DRD3: variants seen among roughly 807,000 people sequenced by gnomAD.
DRD3 encodes dopamine receptor D3, also known as D(3) dopamine receptor.
A neutral mutation model predicts 36.3 loss-of-function variants in DRD3; 19 were observed. The ratio of observed to expected loss-of-function variants is 0.52; its 90% CI spans 0.36 to 0.77. The LOEUF is 0.77. Among genes scored for constraint, DRD3 ranks in the 30% least tolerant of loss-of-function variants. The pLI, the probability that DRD3 is intolerant of heterozygous loss-of-function variation, is 0.00. For synonymous variants in DRD3, 195 were observed against 203.7 expected (o/e 0.96, Z 0.36); for missense variants, 465 against 505.3 (o/e 0.92, Z 0.77).
At chr3:114,170,853 A>T (rs1478547225) in intron 2 of DRD3, among the ~76,000 whole-genome samples, 1 of 152,226 alleles carries the variant, frequency 6.6e-6, no homozygotes, top group East Asian at 1.9e-4. Context: ...CACAGTGCAG[A>T]GGAGAAATAT....
At chr3:114,146,560 G>C (rs200071806) in intron 4 of DRD3, among the ~76,000 whole-genome samples, 2 of 151,790 alleles carry the variant, frequency 1.3e-5, no homozygotes, top group South Asian at 4.2e-4. Flanking sequence ...TTAGTGGGGC[G>C]TGGTGGTGGG....
At chr3:114,154,881 G>A (rs1048419257) in intron 3 of DRD3, among the ~76,000 whole-genome samples, 1 of 152,112 alleles carries the variant, frequency 6.6e-6, no homozygotes, top group African/African-American at 2.4e-5. Context: ...ATGGGAGGAG[G>A]GCTGGCTCCC....
chr3:114,152,460 A>G (rs1448843142), intron 3 of DRD3, among the ~76,000 whole-genome samples: 1 of 152,260 alleles, frequency 6.6e-6, no homozygotes, highest in Non-Finnish European at 1.5e-5. Flanking sequence ...TTGGATAAGA[A>G]GTAAGAGACA....
chr3:114,185,566 A>T (rs533968219), intron 1 of DRD3, among the ~76,000 whole-genome samples: 2 of 151,884 alleles, frequency 1.3e-5, no homozygotes, highest in Admixed American at 6.6e-5. Flanking sequence ...GGTGTTTTAA[A>T]GTCTTTGTCT....
intron 1 of DRD3, among the ~76,000 whole-genome samples, chr3:114,189,848 C>T (rs974031832): frequency 2.6e-5 from 4 of 152,160 alleles, no homozygotes; most frequent in South Asian, 2.1e-4. Flanking sequence ...AACCTAGCAC[C>T]TAGGTTTCCA....
upstream of DRD3, among the ~76,000 whole-genome samples, chr3:114,179,401 A>T (rs867313686): frequency 6.6e-6 from 1 of 152,346 alleles, no homozygotes; most frequent in Middle Eastern, 3.4e-3. Flanking sequence ...GGCAATAAGG[A>T]TGAAATAAGC....
At chr3:114,138,315 A>G (rs1051987182) in intron 5 of DRD3, among the ~76,000 whole-genome samples, 4 of 152,160 alleles carry the variant, frequency 2.6e-5, no homozygotes, top group Non-Finnish European at 4.4e-5. Flanking sequence ...CATGCTGCTA[A>G]TAAAGACATA....
intron 1 of DRD3, among the ~76,000 whole-genome samples, chr3:114,194,166 A>G (rs1440617019): frequency 6.6e-6 from 1 of 152,186 alleles, no homozygotes; most frequent in East Asian, 1.9e-4. Context: ...GTAGTCCTGT[A>G]AGTCAGTGTT....
At chr3:114,151,946 G>A (rs991623907) in intron 3 of DRD3, among the ~76,000 whole-genome samples, 1 of 152,216 alleles carries the variant, frequency 6.6e-6, no homozygotes, top group South Asian at 2.1e-4. Context: ...CAATTCGCTC[G>A]ATTCTGTTAA....
rs200221200 is a variant in DRD3 at position 114,171,582 on chromosome 3, CA to C, written c.270+140del. Reference sequence around the variant, plus strand: ...CTGTTTTCCAGAGCTTTAACTCTCTCATTACAGGGAGAATGAGAGCTCTCCT... The same window carrying C: ...CTGTTTTCCAGAGCTTTAACTCTCTCTTACAGGGAGAATGAGAGCTCTCCT... On this transcript the variant is annotated intron_variant, in intron 2 of 6. Transcript: ENST00000383673. The C allele has an allele frequency of 2.8e-3, 3,200 of 1,124,654 alleles. 9 individuals are homozygous for C. The highest frequency in any genetic ancestry group is 4.2e-3 in the Middle Eastern group (14 of 3,344). The allele number at this position is 1,124,654 out of a possible 1,614,324, so 69.7% of individuals were successfully genotyped here. A position where few individuals can be genotyped will look rare whatever the true frequency, so the allele number is the denominator to read the frequency against.
At chr3:114,129,552 T>G (rs1399889786) in intron 6 of DRD3, among the ~76,000 whole-genome samples, 3 of 152,186 alleles carry the variant, frequency 2.0e-5, no homozygotes. Flanking sequence ...TGCCTACCTA[T>G]GCAAAACATG....
intron 1 of DRD3, among the ~76,000 whole-genome samples, chr3:114,197,557 T>C (rs755992080): frequency 1.3e-5 from 2 of 152,154 alleles, no homozygotes; most frequent in Non-Finnish European, 2.9e-5. Flanking sequence ...GATTTTCTTC[T>C]AAAAGTTTAG....
intron 5 of DRD3, among the ~76,000 whole-genome samples, chr3:114,136,014 C>G (rs992791243): frequency 3.3e-5 from 5 of 152,132 alleles, no homozygotes; most frequent in African/African-American, 2.4e-5. Context: ...TACAATTAAA[C>G]TGGCACCTAC....
intron 1 of DRD3, chr3:114,175,960 A>G (rs551685694): frequency 6.6e-6 from 1 of 152,332 alleles, no homozygotes; most frequent in East Asian, 1.9e-4. Context: ...CTTACAAAGT[A>G]TTGATTTATC....
At chr3:114,138,664 C>T (rs1417236650) in intron 5 of DRD3, among the ~76,000 whole-genome samples, 12 of 152,166 alleles carry the variant, frequency 7.9e-5, no homozygotes, top group Non-Finnish European at 7.3e-5. Flanking sequence ...ATTGGGTTTT[C>T]TCTTCTATAA....
chr3:114,189,884 T>C (rs1232992689), intron 1 of DRD3, among the ~76,000 whole-genome samples: 1 of 152,132 alleles, frequency 6.6e-6, no homozygotes, highest in Non-Finnish European at 1.5e-5. Context: ...AAAGAATTGT[T>C]GAAAGGCAGC....
At chr3:114,143,595 T>G (rs975928772) in intron 4 of DRD3, among the ~76,000 whole-genome samples, 2 of 152,218 alleles carry the variant, frequency 1.3e-5, no homozygotes, top group African/African-American at 4.8e-5. Flanking sequence ...AGACATGCGG[T>G]GCCAATGAAT....
At chr3:114,147,621 G>A (rs1327382217) in intron 3 of DRD3, 64 bp from the exon 4 acceptor site, 11 of 1,483,698 alleles carry the variant, frequency 7.4e-6, no homozygotes, top group East Asian at 7.1e-5. Context: ...TTCTTTCTGC[G>A]TTGTTGTTGT....
intron 2 of DRD3, among the ~76,000 whole-genome samples, chr3:114,162,561 T>C (rs1205970048): frequency 5.9e-5 from 9 of 152,252 alleles, no homozygotes; most frequent in African/African-American, 2.2e-4. Flanking sequence ...GCTTACTAAG[T>C]GCCTGGTGTT....
Sources: allele counts gnomAD v4.1 joint callset (sites outside exome capture counted in the v4.1 genomes callset), GRCh38; gene constraint gnomAD v4.1.1; transcripts MANE v1.5; gene names NCBI Gene and HGNC (gene_info 2026-07-23, HGNC 2026-07-21).